Variants in ADAM2 observed in about 807,000 individuals in gnomAD.
ADAM2 encodes the protein disintegrin and metalloproteinase domain-containing protein 2.
A neutral mutation model predicts 99.3 loss-of-function variants in ADAM2; 101 were observed. That is an observed-to-expected ratio of 1.02 (90% CI 0.87 to 1.20). The LOEUF (loss-of-function observed/expected upper bound fraction) is 1.20, where lower values mean the gene tolerates loss of function less well. Ranked by LOEUF, ADAM2 falls within the 50% of genes most tolerant of loss-of-function variation. The probability of loss-of-function intolerance (pLI) is 0.00; values close to 1 mark genes in which losing one functional copy is unlikely to be tolerated. For synonymous variants in ADAM2, 323 were observed against 287.6 expected, an observed-to-expected ratio of 1.12 and a Z score of -1.25; for missense variants, 948 against 878.7, an observed-to-expected ratio of 1.08 and a Z score of -1.00.
intron 7 of ADAM2, among the ~76,000 whole-genome samples, chr8:39,805,348 A>G (rs1804393789): frequency 6.6e-6 from 1 of 152,222 alleles, no homozygotes; most frequent in African/African-American, 2.4e-5. Context: ...AGAATGTTTT[A>G]TTAAAAATAT....
At chr8:39,790,620 T>C (rs1327688368) in intron 7 of ADAM2, among the ~76,000 whole-genome samples, 1 of 151,982 alleles carries the variant, frequency 6.6e-6, no homozygotes, top group Non-Finnish European at 1.5e-5. Flanking sequence ...GTTATTATTG[T>C]TTGCACAAAT....
intron 7 of ADAM2, among the ~76,000 whole-genome samples, chr8:39,807,448 A>G (rs1804485901): frequency 6.6e-6 from 1 of 152,156 alleles, no homozygotes; most frequent in Non-Finnish European, 1.5e-5. Flanking sequence ...TGGGGAAGTG[A>G]GGGCTGGAGT....
chr8:39,812,983 A>G (rs1804767798), intron 6 of ADAM2, among the ~76,000 whole-genome samples: 1 of 152,144 alleles, frequency 6.6e-6, no homozygotes, highest in Admixed American at 6.5e-5. Context: ...TGAAGAGGCA[A>G]CCTATAGAAT....
chr8:39,780,550 C>T (rs1213839146), intron 10 of ADAM2, among the ~76,000 whole-genome samples: 2 of 152,046 alleles, frequency 1.3e-5, no homozygotes, highest in East Asian at 1.9e-4. Flanking sequence ...TTGCAAACAG[C>T]CCAGTCAATA....
At chr8:39,831,794 T>A (rs1003278432) in intron 3 of ADAM2, among the ~76,000 whole-genome samples, 1 of 152,082 alleles carries the variant, frequency 6.6e-6, no homozygotes, top group East Asian at 1.9e-4. Flanking sequence ...CATAGAAATA[T>A]GTGATAGATA....
intron 3 of ADAM2, among the ~76,000 whole-genome samples, chr8:39,828,306 G>T (rs563970646): frequency 2.0e-5 from 3 of 151,898 alleles, no homozygotes; most frequent in South Asian, 4.1e-4. Flanking sequence ...AGAGGGTAAA[G>T]GGTGTTAGAG....
At chr8:39,812,215 C>T (rs538881872) in intron 6 of ADAM2, among the ~76,000 whole-genome samples, 4 of 152,056 alleles carry the variant, frequency 2.6e-5, no homozygotes, top group African/African-American at 9.7e-5. Flanking sequence ...ATCCAACTTA[C>T]CAGGGATGTG....
intron 6 of ADAM2, among the ~76,000 whole-genome samples, chr8:39,818,294 A>T (rs556403913): frequency 4.6e-5 from 7 of 152,250 alleles, no homozygotes; most frequent in African/African-American, 1.4e-4. Context: ...GCAATACACC[A>T]CATTAACAAA....
At chr8:39,791,411 G>A (rs1356810887) in intron 7 of ADAM2, among the ~76,000 whole-genome samples, 1 of 152,054 alleles carries the variant, frequency 6.6e-6, no homozygotes, top group Non-Finnish European at 1.5e-5. Context: ...TTCATGAATT[G>A]TATTGAAAAT....
At chr8:39,809,121 T>A (rs1804583311) in intron 7 of ADAM2, among the ~76,000 whole-genome samples, 1 of 152,180 alleles carries the variant, frequency 6.6e-6, no homozygotes, top group Non-Finnish European at 1.5e-5. Context: ...GCATTATTTT[T>A]AAAATTCAGT....
intron 7 of ADAM2, among the ~76,000 whole-genome samples, chr8:39,801,115 G>A (rs1804189513): frequency 6.6e-6 from 1 of 152,104 alleles, no homozygotes; most frequent in African/African-American, 2.4e-5. Flanking sequence ...TGGGTTTTCA[G>A]CATTTTTTTC....
At chr8:39,778,859 T>C (rs1803106384) in intron 10 of ADAM2, among the ~76,000 whole-genome samples, 1 of 152,120 alleles carries the variant, frequency 6.6e-6, no homozygotes, top group African/African-American at 2.4e-5. Flanking sequence ...CCCCCTATTT[T>C]TGAGATATTG....
At position 39,755,899 on chromosome 8, in the gene ADAM2, G is replaced by A. The variant is rs201864039; in HGVS notation, c.1626C>T (p.Cys542=). The A allele has an allele frequency of 8.1e-5, 124 of 1,522,970 alleles. No individual in the cohort carries two copies. Among genetic ancestry groups the A allele is most frequent in the African/African-American group, 3.9e-4 (28 of 72,676 alleles). The allele number at this position is 1,522,970 out of a possible 1,614,324, so 94.3% of individuals were successfully genotyped here. A position where few individuals can be genotyped will look rare whatever the true frequency, so the allele number is the denominator to read the frequency against. ...CTACATATTTACATATTAATTTTCC[G>A]CACTGCAGATTGCTATAATTTATCC... ...YTQCEADNLQ[C]GKLICKYVGK... The change falls in exon 16 of 21, where the codon TGC becomes TGT. Residue 542 remains cysteine (C), a synonymous_variant. Coordinates refer to ENST00000265708, the MANE Select transcript of ADAM2 (RefSeq NM_001464.5).
At chr8:39,788,883 A>G in intron 7 of ADAM2, 143 bp from the exon 8 acceptor site, 1 of 451,318 alleles carries the variant, frequency 2.2e-6, no homozygotes, top group Non-Finnish European at 3.8e-6. Flanking sequence ...TTATTTTCTT[A>G]TACAAATTAT....
intron 10 of ADAM2, among the ~76,000 whole-genome samples, chr8:39,781,414 T>C (rs1803227040): frequency 6.6e-6 from 1 of 152,168 alleles, no homozygotes; most frequent in Admixed American, 6.5e-5. Flanking sequence ...TAAAATAGAA[T>C]CTTTATTTTG....
At chr8:39,813,165 A>G (rs1367419528) in intron 6 of ADAM2, among the ~76,000 whole-genome samples, 6 of 152,238 alleles carry the variant, frequency 3.9e-5, no homozygotes, top group Admixed American at 3.9e-4. Flanking sequence ...AGACAGATGA[A>G]AAAATGCTCA....
chr8:39,791,139 T>C (rs1032132376), intron 7 of ADAM2, among the ~76,000 whole-genome samples: 10 of 151,772 alleles, frequency 6.6e-5, no homozygotes, highest in African/African-American at 2.4e-5. Flanking sequence ...ACCTAAGTTG[T>C]TTACTTGAAA....
At chr8:39,749,579 G>A in intron 17 of ADAM2, 88 bp downstream of exon 17, 1 of 1,284,298 alleles carries the variant, frequency 7.8e-7, no homozygotes. Flanking sequence ...GTGTGTGTGT[G>A]TGTGTGCGTG....
chr8:39,800,593 TCTC>T (rs1804163555), intron 7 of ADAM2, among the ~76,000 whole-genome samples: 1 of 152,206 alleles, frequency 6.6e-6, no homozygotes, highest in East Asian at 1.9e-4. Context: ...TTAAGGAAGT[TCTC>T]CTGGATAATA....
Sources: allele counts gnomAD v4.1 joint callset (sites outside exome capture counted in the v4.1 genomes callset), GRCh38; gene constraint gnomAD v4.1.1; transcripts MANE v1.5; gene names NCBI Gene and HGNC (gene_info 2026-07-23, HGNC 2026-07-21).